The following COPS4 variants were observed in gnomAD, a reference collection of about 807,000 sequenced individuals.
The protein encoded by COPS4 is COP9 signalosome complex subunit 4.
In COPS4, 8 loss-of-function variants were observed where a neutral mutation model predicts 55.1. That is an observed-to-expected ratio of 0.15 (90% CI 0.09 to 0.26). COPS4 has a LOEUF of 0.26. COPS4 is among the 10% of genes least tolerant of loss of function. The pLI is 1.00. For missense variants in COPS4, 248 were observed against 484.0 expected (o/e 0.51, Z 4.58); for synonymous variants, 185 against 165.7 (o/e 1.12, Z -0.90).
At chr4:83,068,590 T>C (rs1470842582) in intron 9 of COPS4, 68 bp downstream of exon 9, 6 of 952,254 alleles carry the variant, frequency 6.3e-6, no homozygotes, top group Non-Finnish European at 1.0e-5. Flanking sequence ...GATTAAAACA[T>C]GTTGGACAGT....
At chr4:83,069,291 G>C (rs1171176764) in intron 9 of COPS4, among the ~76,000 whole-genome samples, 1 of 152,080 alleles carries the variant, frequency 6.6e-6, no homozygotes, top group Non-Finnish European at 1.5e-5. Context: ...ATTTTTATTT[G>C]AAATATCTCA....
At chr4:83,059,689 GT>G (rs575670269) in intron 6 of COPS4, among the ~76,000 whole-genome samples, 32 of 142,288 alleles carry the variant, frequency 2.2e-4, no homozygotes, top group Admixed American at 2.1e-4. Context: ...TCTTCTTTTT[GT>G]TTTTTTTTTT....
At chr4:83,047,445 T>C (rs1204876744) in intron 2 of COPS4, among the ~76,000 whole-genome samples, 16 of 92 alleles carry the variant, frequency 0.17, no homozygotes, top group African/African-American at 0.31. Flanking sequence ...GTCCCAGCTA[T>C]TGGGACGCTG....
In COPS4 at chr4:83,075,333, A is replaced by T; in HGVS notation, c.1124A>T (p.Gln375Leu). The T allele has an allele frequency of 6.2e-7, 1 of 1,614,138 alleles. No individual in the cohort carries two copies. Among genetic ancestry groups the T allele is most frequent in the Non-Finnish European group, 8.5e-7 (1 of 1,180,012 alleles). ...CTGCCAACGTGGGATAAGCAGATCCAATCACTTTGTTTCCAAGTGAATAAC... is the reference window on the plus strand; with the variant it reads ...CTGCCAACGTGGGATAAGCAGATCCTATCACTTTGTTTCCAAGTGAATAAC... ...EALPTWDKQI[Q>L]SLCFQVNNLL... is the part of the protein sequence containing the mutation. Residue 375 changes from glutamine (Q) to leucine (L), a missense_variant, in exon 10 of 10, where the codon CAA becomes CTA. Around this residue, in one of 4 missense-constraint regions of COPS4, gnomAD observed 38 missense variants for 77.9 expected, o/e 0.49. Coordinates refer to ENST00000264389, the MANE Select transcript of COPS4 (RefSeq NM_016129.3).
At chr4:83,040,382 G>C (rs374662829) in intron 1 of COPS4, among the ~76,000 whole-genome samples, 1 of 152,210 alleles carries the variant, frequency 6.6e-6, no homozygotes, top group Admixed American at 6.5e-5. Context: ...CATTACCTGA[G>C]GGTGCTAACA....
intron 2 of COPS4, 90 bp from the exon 3 acceptor site, chr4:83,049,073 ATTG>A: frequency 8.4e-7 from 1 of 1,183,830 alleles, no homozygotes. Flanking sequence ...ACTAATATAG[ATTG>A]TTGTTAGTAT....
chr4:83,070,258 GT>G (rs1731388786), intron 9 of COPS4, among the ~76,000 whole-genome samples: 1 of 152,128 alleles, frequency 6.6e-6, no homozygotes. Context: ...ATGCTACTGA[GT>G]TTCCATGGGT....
chr4:83,073,086 C>T (rs1210287516), intron 9 of COPS4: 1 of 448,932 alleles, frequency 2.2e-6, no homozygotes, highest in Non-Finnish European at 4.0e-6. Flanking sequence ...ATTCAATGGC[C>T]TGTAGTATAT....
chr4:83,064,654 G>A (rs997890954), intron 7 of COPS4, among the ~76,000 whole-genome samples: 3 of 151,822 alleles, frequency 2.0e-5, no homozygotes, highest in Non-Finnish European at 4.4e-5. Flanking sequence ...GAGTGCACTG[G>A]TGCAATCATG....
intron 1 of COPS4, among the ~76,000 whole-genome samples, chr4:83,038,595 C>T (rs1560433207): frequency 6.6e-6 from 1 of 151,444 alleles, no homozygotes; most frequent in Non-Finnish European, 1.5e-5. Context: ...TGATTTCTCT[C>T]TCCTAAAAAT....
chr4:83,056,247 T>C (rs1291086213), intron 4 of COPS4, among the ~76,000 whole-genome samples: 4 of 152,156 alleles, frequency 2.6e-5, no homozygotes, highest in African/African-American at 9.7e-5. Flanking sequence ...ATTTATTTTC[T>C]AAAGGTAAAT....
chr4:83,056,438 G>A (rs1731016859), intron 4 of COPS4, among the ~76,000 whole-genome samples: 1 of 152,118 alleles, frequency 6.6e-6, no homozygotes, highest in African/African-American at 2.4e-5. Context: ...AAGCAGCTAA[G>A]ATATAATGTG....
intron 6 of COPS4, among the ~76,000 whole-genome samples, chr4:83,061,169 CT>C (rs1192982804): frequency 1.3e-5 from 2 of 151,034 alleles, no homozygotes; most frequent in East Asian, 3.9e-4. Context: ...TTATTTTGAA[CT>C]TTTTACTTTA....
chr4:83,075,677 G>A lies in COPS4; in HGVS notation c.*247G>A, dbSNP rs1731555504. ...GAAAGCTTTTTCTTTAAACAGAGGTGAAATATCTGTGGCTAAAAAGTTTGA... is the reference window on the plus strand; with the variant it reads ...GAAAGCTTTTTCTTTAAACAGAGGTAAAATATCTGTGGCTAAAAAGTTTGA... On this transcript the variant is annotated 3_prime_UTR_variant, in exon 10 of 10. Transcript: ENST00000264389. The A allele has an allele frequency of 5.9e-6, 2 of 338,208 alleles. No individual in the cohort carries two copies. Among genetic ancestry groups the A allele is most frequent in the Non-Finnish European group, 1.1e-5 (2 of 190,434 alleles). 21.0% of individuals were successfully genotyped at this position (338,208 alleles called of 1,614,324 possible).
At chr4:83,052,416 C>T (rs1053688218) in intron 4 of COPS4, among the ~76,000 whole-genome samples, 3 of 152,100 alleles carry the variant, frequency 2.0e-5, no homozygotes, top group Non-Finnish European at 2.9e-5. Context: ...CTGGCGTTTT[C>T]GGCTAGATAC....
chr4:83,057,007 A>G lies in COPS4; in HGVS notation c.492A>G (p.Ala164=), dbSNP rs1270237808. 2 of 1,613,778 alleles carry G rather than the reference A, an allele frequency of 1.2e-6. No homozygotes were observed. The highest frequency in any genetic ancestry group is 1.7e-6 in the Non-Finnish European group (2 of 1,179,780). Residue 164 remains alanine (A), a synonymous_variant, in exon 5 of 10, where the codon GCA becomes GCG. Transcript: ENST00000264389. ...TGGAGGATGATGATCCAGTCCAGGC[A>G]GAGGCTTACATAAATCGAGCATCGT... The part of the protein sequence containing the change: ...LYLEDDDPVQ[A]EAYINRASLL...
chr4:83,053,256 CAT>C (rs1730927630), intron 4 of COPS4, among the ~76,000 whole-genome samples: 1 of 152,180 alleles, frequency 6.6e-6, no homozygotes, highest in Non-Finnish European at 1.5e-5. Context: ...ATTTCAGCTA[CAT>C]GAGTACGGGA....
At chr4:83,063,854 C>G (rs1731234293) in intron 7 of COPS4, among the ~76,000 whole-genome samples, 1 of 152,112 alleles carries the variant, frequency 6.6e-6, no homozygotes, top group South Asian at 2.1e-4. Flanking sequence ...GGATTACATG[C>G]ATGCGCCACC....
intron 9 of COPS4, among the ~76,000 whole-genome samples, chr4:83,071,480 A>G (rs1297697271): frequency 6.6e-6 from 1 of 151,964 alleles, no homozygotes; most frequent in East Asian, 1.9e-4. Flanking sequence ...GTGCAGTGGT[A>G]TGATCATAGC....
Sources: gnomAD v4.1 joint callset for allele counts (sites outside exome capture counted in the v4.1 genomes callset) on GRCh38, gnomAD v4.1.1 for gene constraint, gnomAD v4.1.1 regional missense constraint, MANE v1.5 for transcripts, NCBI Gene and HGNC (gene_info 2026-07-23, HGNC 2026-07-21) for gene names.